Variants in SSBP2 observed in about 807,000 individuals in gnomAD.
The protein encoded by SSBP2 is single stranded DNA binding protein 2.
SSBP2 carries 17 observed loss-of-function variants against 61.8 expected under a neutral mutation model. The observed-to-expected ratio is 0.28, with a 90% CI of 0.19 to 0.41. SSBP2 has a LOEUF of 0.41. Ranked by LOEUF, SSBP2 falls within the 10% of genes least tolerant of loss-of-function variation. SSBP2 has a pLI of 1.00. For missense variants in SSBP2, 310 were observed against 458.7 expected, an observed-to-expected ratio of 0.68 and a Z score of 2.96; for synonymous variants, 139 against 141.3, an observed-to-expected ratio of 0.98 and a Z score of 0.12.
intron 14 of SSBP2, among the ~76,000 whole-genome samples, chr5:81,439,674 T>G (rs1278782094): frequency 6.9e-6 from 1 of 144,722 alleles, no homozygotes; most frequent in Non-Finnish European, 1.5e-5. Flanking sequence ...CTAGTTTTTT[T>G]TTTTTTTTTT....
chr5:81,741,060 T>G (rs527364214), intron 1 of SSBP2, among the ~76,000 whole-genome samples: 1 of 152,272 alleles, frequency 6.6e-6, no homozygotes, highest in South Asian at 2.1e-4. Context: ...ATAGTTAAAA[T>G]GGGCAGTGCA....
chr5:81,553,916 T>C (rs1463806588), intron 4 of SSBP2, among the ~76,000 whole-genome samples: 1 of 152,098 alleles, frequency 6.6e-6, no homozygotes, highest in Non-Finnish European at 1.5e-5. Context: ...ATTAATACTT[T>C]CTTCCACCCA....
At chr5:81,442,804 T>C (rs1763119262) in intron 12 of SSBP2, 81 bp from the exon 13 acceptor site, 2 of 701,754 alleles carry the variant, frequency 2.8e-6, no homozygotes, top group Admixed American at 5.8e-5. Flanking sequence ...CAAAGATGGT[T>C]TGCATACAGA....
intron 2 of SSBP2, among the ~76,000 whole-genome samples, chr5:81,644,617 C>T (rs10069094): frequency 0.098 from 14,975 of 152,084 alleles, 810 homozygotes; most frequent in African/African-American, 0.13. Flanking sequence ...TTTGGCTATC[C>T]CTCAACCTTA....
At chr5:81,704,654 G>C (rs532344924) in intron 1 of SSBP2, among the ~76,000 whole-genome samples, 1 of 151,922 alleles carries the variant, frequency 6.6e-6, no homozygotes, top group South Asian at 2.1e-4. Context: ...AAATTAGTTG[G>C]GCGTAGTGGC....
chr5:81,654,488 A>G (rs981995385), intron 1 of SSBP2, among the ~76,000 whole-genome samples: 22 of 152,172 alleles, frequency 1.4e-4, no homozygotes, highest in Admixed American at 1.2e-3. Flanking sequence ...AATTTTGGCC[A>G]ATTACCAAAT....
At chr5:81,711,037 A>G (rs1341410801) in intron 1 of SSBP2, among the ~76,000 whole-genome samples, 6 of 152,106 alleles carry the variant, frequency 3.9e-5, no homozygotes, top group South Asian at 2.1e-4. Flanking sequence ...TAATGCTCTT[A>G]AAGTTCATTT....
rs534431495 is a variant in SSBP2, at chr5:81,660,621, CAG to C, written c.63-10284_63-10283del. On this transcript the variant is annotated intron_variant, in intron 1 of 16. Coordinates refer to ENST00000320672, the MANE Select transcript of SSBP2 (RefSeq NM_012446.5). The stretch of plus-strand genomic sequence containing the variant: ...TGGCAATTCCTCAAGGACCTAGAAC[CAG>C]AAATACCATGTGACCCAGCAATCCC... Among the ~76,000 whole-genome samples, 459 of 152,264 alleles carry C rather than the reference CAG, an allele frequency of 3.0e-3. 3 individuals carry two copies. The highest frequency in any genetic ancestry group is 0.011 in the African/African-American group (438 of 41,556).
intron 8 of SSBP2, among the ~76,000 whole-genome samples, chr5:81,469,541 AG>A (rs889542787): frequency 4.0e-5 from 6 of 151,894 alleles, no homozygotes; most frequent in Non-Finnish European, 8.8e-5. Context: ...ATTATATAAC[AG>A]TTTTTCTTTG....
chr5:81,690,129 AAC>A (rs1340103378), intron 1 of SSBP2, among the ~76,000 whole-genome samples: 1 of 152,162 alleles, frequency 6.6e-6, no homozygotes, highest in Non-Finnish European at 1.5e-5. Context: ...AAGAAATTAA[AAC>A]ATAATACCAG....
intron 4 of SSBP2, among the ~76,000 whole-genome samples, chr5:81,593,628 C>T (rs367888619): frequency 1.9e-4 from 29 of 152,326 alleles, no homozygotes; most frequent in East Asian, 5.8e-4. Flanking sequence ...GCCCATCAGA[C>T]TAATAGCGGA....
chr5:81,751,270 C>G (rs1250040222), upstream of SSBP2: 1 of 577,830 alleles, frequency 1.7e-6, no homozygotes, highest in Non-Finnish European at 3.1e-6. Flanking sequence ...GCAGTCTCCT[C>G]CCTCCTTCCC....
chr5:81,614,359 CAAAAAAAAAAA>C lies in SSBP2; in HGVS notation c.282+1103_282+1113del, dbSNP rs10659647. Among the ~76,000 whole-genome samples the C allele has an allele frequency of 1.6e-4, 12 of 73,820 alleles. No individual in the cohort carries two copies. The East Asian group carries it at 3.8e-3, about 23-fold the overall frequency. The allele number at this position is 73,820 out of a possible 152,430, so 48.4% of individuals were successfully genotyped here. On this transcript the variant is annotated intron_variant, in intron 4 of 16. Coordinates refer to ENST00000320672, the MANE Select transcript of SSBP2 (RefSeq NM_012446.5). ...TGGGAGACACAGCGAGACTCCGTCT[CAAAAAAAAAAA>C]AAAAAAAAAAAAGAATTGCACAGTC... is the stretch of plus-strand genomic sequence containing the variant.
chr5:81,568,708 T>C (rs368966650), intron 4 of SSBP2, among the ~76,000 whole-genome samples: 13 of 152,228 alleles, frequency 8.5e-5, no homozygotes, highest in Non-Finnish European at 1.8e-4. Flanking sequence ...CATTCACATA[T>C]GTATATTTTT....
intron 4 of SSBP2, among the ~76,000 whole-genome samples, chr5:81,614,871 T>C (rs1448784319): frequency 6.6e-6 from 1 of 152,088 alleles, no homozygotes; most frequent in East Asian, 1.9e-4. Flanking sequence ...TTTGCAGTCC[T>C]TCTAAAAAAA....
At position 81,473,690 on chromosome 5, in the gene SSBP2, G is replaced by T. The variant is rs747040178; in HGVS notation, c.570+10C>A. On this transcript the variant is annotated intron_variant, in intron 8 of 16. Transcript: ENST00000320672. ...ATCTTTGCTATTGTAAATATGCACT[G>T]ATTATTTACCTGTGGTCCTAAGGGC... The T allele has an allele frequency of 3.1e-6, 5 of 1,613,158 alleles. No homozygotes were observed. The highest frequency in any genetic ancestry group is 4.2e-6 in the Non-Finnish European group (5 of 1,179,382).
At chr5:81,720,661 T>C (rs965290000) in intron 1 of SSBP2, among the ~76,000 whole-genome samples, 1 of 152,152 alleles carries the variant, frequency 6.6e-6, no homozygotes, top group Non-Finnish European at 1.5e-5. Context: ...TCAAGGCACT[T>C]CCCCCCTCTC....
At chr5:81,567,467 G>A (rs192373009) in intron 4 of SSBP2, among the ~76,000 whole-genome samples, 27 of 152,324 alleles carry the variant, frequency 1.8e-4, no homozygotes, top group African/African-American at 4.3e-4. Context: ...GTATAGAAAC[G>A]CTTGGATGCC....
At chr5:81,670,464 G>A (rs1347034024) in intron 1 of SSBP2, among the ~76,000 whole-genome samples, 7 of 152,010 alleles carry the variant, frequency 4.6e-5, no homozygotes, top group Non-Finnish European at 8.8e-5. Context: ...CAATCTTACT[G>A]TAAATTATCT....
Sources: allele counts gnomAD v4.1 joint callset (sites outside exome capture counted in the v4.1 genomes callset), GRCh38; gene constraint gnomAD v4.1.1; transcripts MANE v1.5; gene names NCBI Gene and HGNC (gene_info 2026-07-23, HGNC 2026-07-21).